The following CADM2 variants were observed in gnomAD, a reference collection of about 807,000 sequenced individuals.
CADM2 encodes cell adhesion molecule 2, also known as immunoglobulin superfamily member 4D.
A neutral mutation model predicts 49.8 loss-of-function variants in CADM2; 12 were observed. That is an observed-to-expected ratio of 0.24 (90% CI 0.15 to 0.39). The LOEUF (loss-of-function observed/expected upper bound fraction) is 0.39. CADM2 is among the 10% of genes least tolerant of loss of function. CADM2 has a pLI of 1.00. For missense variants in CADM2, 378 were observed against 492.3 expected (o/e 0.77, Z 2.20); for synonymous variants, 214 against 175.4 (o/e 1.22, Z -1.74).
chr3:85,164,864 ATG>A (rs2040427502), intron 1 of CADM2, among the ~76,000 whole-genome samples: 1 of 152,042 alleles, frequency 6.6e-6, no homozygotes, highest in Non-Finnish European at 1.5e-5. Flanking sequence ...TGATAAGAGC[ATG>A]TGAGTTTTTT....
intron 8 of CADM2, among the ~76,000 whole-genome samples, chr3:86,034,600 A>G (rs1734938540): frequency 6.6e-6 from 1 of 152,076 alleles, no homozygotes; most frequent in South Asian, 2.1e-4. Context: ...GGATTAAGAC[A>G]GCATCCGTGT....
At position 85,961,455 on chromosome 3, in the gene CADM2, T is replaced by C; in HGVS notation, c.792-14T>C. The C allele has an allele frequency of 6.4e-7, 1 of 1,561,192 alleles. No homozygotes were observed. Among genetic ancestry groups the C allele is most frequent in the Non-Finnish European group, 8.7e-7 (1 of 1,144,902 alleles). ...CTTATTTTTGCTATCTACATGCATG[T>C]TTCAATCCAATAGGCCAGAACCTGT... On this transcript the variant is annotated splice_polypyrimidine_tract_variant and intron_variant, in intron 7 of 9. Transcript: ENST00000383699.
At chr3:85,758,641 G>T (rs955687773) in intron 2 of CADM2, among the ~76,000 whole-genome samples, 7 of 151,956 alleles carry the variant, frequency 4.6e-5, no homozygotes, top group Non-Finnish European at 7.4e-5. Flanking sequence ...TTGAGTCAGA[G>T]GTTTAAGTAT....
intron 1 of CADM2, among the ~76,000 whole-genome samples, chr3:85,176,859 C>T (rs186078329): frequency 1.3e-4 from 20 of 152,256 alleles, no homozygotes; most frequent in Admixed American, 1.3e-3. Context: ...ATGCCAGCCA[C>T]ATTCAGAGAA....
chr3:85,709,570 C>G (rs1036995970), intron 1 of CADM2, among the ~76,000 whole-genome samples: 3 of 152,104 alleles, frequency 2.0e-5, no homozygotes, highest in Non-Finnish European at 4.4e-5. Flanking sequence ...TGAGAGCAGA[C>G]CTTTTAGGTT....
chr3:86,017,351 G>A (rs967728681), intron 8 of CADM2, among the ~76,000 whole-genome samples: 3 of 151,828 alleles, frequency 2.0e-5, no homozygotes, highest in African/African-American at 7.3e-5. Flanking sequence ...ATTTACACAA[G>A]AGCTCAAAAT....
intron 8 of CADM2, among the ~76,000 whole-genome samples, chr3:86,010,388 G>A (rs548258874): frequency 6.6e-6 from 1 of 151,738 alleles, no homozygotes; most frequent in Non-Finnish European, 1.5e-5. Flanking sequence ...ATCAGTAAAA[G>A]AAAATGTAAA....
At chr3:85,665,849 T>C (rs1289893550) in intron 1 of CADM2, among the ~76,000 whole-genome samples, 1 of 152,010 alleles carries the variant, frequency 6.6e-6, no homozygotes, top group African/African-American at 2.4e-5. Flanking sequence ...ATAAATCTTA[T>C]TATGGGATCC....
chr3:85,074,124 A>G (rs2107481158), intron 1 of CADM2, among the ~76,000 whole-genome samples: 1 of 152,076 alleles, frequency 6.6e-6, no homozygotes, highest in Middle Eastern at 3.4e-3. Context: ...TCCCGTTACC[A>G]CTTTCACCTC....
At chr3:85,894,766 G>C (rs1363890346) in intron 5 of CADM2, among the ~76,000 whole-genome samples, 2 of 152,210 alleles carry the variant, frequency 1.3e-5, no homozygotes, top group Non-Finnish European at 2.9e-5. Context: ...GCTAAAAGGG[G>C]CCAACTTACA....
chr3:86,046,292 A>C (rs556251189), intron 8 of CADM2, among the ~76,000 whole-genome samples: 1 of 152,108 alleles, frequency 6.6e-6, no homozygotes, highest in African/African-American at 2.4e-5. Context: ...GAAGTATTTT[A>C]ATTGTAATCA....
At chr3:85,924,514 C>T (rs1719571049) in intron 6 of CADM2, among the ~76,000 whole-genome samples, 1 of 151,878 alleles carries the variant, frequency 6.6e-6, no homozygotes, top group Non-Finnish European at 1.5e-5. Flanking sequence ...ATCCCTTAAG[C>T]CCAGGAGTTT....
intron 1 of CADM2, among the ~76,000 whole-genome samples, chr3:85,130,824 G>A (rs75735494): frequency 8.8e-4 from 134 of 152,214 alleles, no homozygotes; most frequent in South Asian, 2.3e-3. Flanking sequence ...TATACGTAGC[G>A]TTATTAATCT....
In CADM2 at chr3:85,450,689, T is replaced by A. The variant is rs986356817; in HGVS notation, c.62-275833T>A. ...GTATTAGAGAACTTCTGACTAAAGATTCACTGACATCTTTAAATAAGAAAA... is the reference window on the plus strand; with the variant it reads ...GTATTAGAGAACTTCTGACTAAAGAATCACTGACATCTTTAAATAAGAAAA... On this transcript the variant is annotated intron_variant, in intron 1 of 9. Coordinates refer to ENST00000383699, the MANE Select transcript of CADM2 (RefSeq NM_001167675.2). 3.5e-5 allele frequency among the ~76,000 whole-genome samples: 5 copies of A among 143,940 alleles called. No homozygotes were observed. In the Admixed American group the frequency reaches 3.5e-4, roughly 10 times the overall value. 94.4% of individuals were successfully genotyped at this position (143,940 alleles called of 152,430 possible).
intron 8 of CADM2, among the ~76,000 whole-genome samples, chr3:85,975,262 A>G (rs1023654528): frequency 2.0e-5 from 3 of 151,430 alleles, no homozygotes; most frequent in Non-Finnish European, 4.4e-5. Context: ...AATTGGCTAA[A>G]TAAATTTAAA....
At chr3:85,865,552 ATACT>A (rs1414460205) in intron 3 of CADM2, among the ~76,000 whole-genome samples, 3 of 152,340 alleles carry the variant, frequency 2.0e-5, no homozygotes, top group Non-Finnish European at 2.9e-5. Flanking sequence ...AAACAAATAA[ATACT>A]TAGTGCACTG....
chr3:84,974,231 A>ATG (rs1026345240), intron 1 of CADM2, among the ~76,000 whole-genome samples: 28 of 130,134 alleles, frequency 2.2e-4, no homozygotes, highest in African/African-American at 5.2e-4. Flanking sequence ...CTGTAATTAT[A>ATG]TGTATATATA....
intron 1 of CADM2, among the ~76,000 whole-genome samples, chr3:85,021,667 C>G (rs1360141172): frequency 6.6e-6 from 1 of 151,904 alleles, no homozygotes; most frequent in African/African-American, 2.4e-5. Flanking sequence ...CCCAGCTTCT[C>G]GAGAGGCTGA....
chr3:85,870,267 A>G (rs915709069), intron 3 of CADM2, among the ~76,000 whole-genome samples: 2 of 150,610 alleles, frequency 1.3e-5, no homozygotes, highest in East Asian at 3.9e-4. Context: ...TTTAACTTTT[A>G]CTTTAGGTTC....
Sources: allele counts gnomAD v4.1 joint callset (sites outside exome capture counted in the v4.1 genomes callset), GRCh38; gene constraint gnomAD v4.1.1; transcripts MANE v1.5; gene names NCBI Gene and HGNC (gene_info 2026-07-23, HGNC 2026-07-21).